RELN: variants seen among roughly 807,000 people sequenced by gnomAD.
RELN encodes the protein reelin.
Under a neutral mutation model 427.6 loss-of-function variants are expected in RELN, and 108 were observed. That is an observed-to-expected ratio of 0.25 (90% CI 0.22 to 0.30). RELN has a LOEUF of 0.30. Ranked by LOEUF, RELN falls within the 10% of genes least tolerant of loss-of-function variation. The probability of loss-of-function intolerance (pLI) is 1.00; values close to 1 mark genes in which losing one functional copy is unlikely to be tolerated. For synonymous variants in RELN, 1,524 were observed against 1,513.4 expected, an observed-to-expected ratio of 1.01 and a Z score of -0.16; for missense variants, 3,715 against 4,302.8, an observed-to-expected ratio of 0.86 and a Z score of 3.82.
intron 3 of RELN, among the ~76,000 whole-genome samples, chr7:103,812,960 G>A (rs975926196): frequency 6.6e-6 from 1 of 151,992 alleles, no homozygotes; most frequent in Non-Finnish European, 1.5e-5. Flanking sequence ...TTCTTTCCTA[G>A]TTATTTCCTG....
chr7:103,809,060 C>T (rs112688809), intron 3 of RELN, among the ~76,000 whole-genome samples: 1 of 152,214 alleles, frequency 6.6e-6, no homozygotes, highest in South Asian at 2.1e-4. Context: ...AGTTTCTTCC[C>T]TAGAAAGCGT....
At chr7:103,647,690 T>C (rs1156670719) in intron 16 of RELN, among the ~76,000 whole-genome samples, 5 of 151,702 alleles carry the variant, frequency 3.3e-5, no homozygotes, top group African/African-American at 1.2e-4. Context: ...TTTCACATAA[T>C]TAGAAAAAAA....
rs749699531 is a variant in RELN at position 103,864,277 on chromosome 7, GT to G, written c.338-30606del. ...TGGTATCTTGAAAAAGTTAATAACTGTTTTTTTTAATTGTAGTAAGAACACT... is the reference window on the plus strand; with the variant it reads ...TGGTATCTTGAAAAAGTTAATAACTGTTTTTTTAATTGTAGTAAGAACACT... On this transcript the variant is annotated intron_variant, in intron 2 of 64. Coordinates refer to ENST00000428762, the MANE Select transcript of RELN (RefSeq NM_005045.4). Among the ~76,000 whole-genome samples the G allele has an allele frequency of 8.6e-5, 13 of 152,024 alleles. No individual in the cohort carries two copies. In the Middle Eastern group the frequency reaches 0.017, roughly 200 times the overall value.
intron 2 of RELN, 89 bp from the exon 3 acceptor site, chr7:103,833,761 T>A: frequency 1.5e-6 from 2 of 1,350,070 alleles, no homozygotes; most frequent in Non-Finnish European, 2.1e-6. Flanking sequence ...ATATTTTTCT[T>A]TCATGTTAAG....
chr7:103,653,715 C>T (rs1832969460), intron 13 of RELN, among the ~76,000 whole-genome samples: 1 of 152,038 alleles, frequency 6.6e-6, no homozygotes, highest in African/African-American at 2.4e-5. Context: ...TGTGCTTCTA[C>T]AGTGTCTTCT....
At chr7:103,784,083 A>G (rs941700428) in intron 3 of RELN, among the ~76,000 whole-genome samples, 4 of 152,154 alleles carry the variant, frequency 2.6e-5, no homozygotes, top group African/African-American at 9.7e-5. Flanking sequence ...AGATTAAACC[A>G]CATTTTATTT....
At position 103,603,861 on chromosome 7, in the gene RELN, T is replaced by C. The variant is rs1481858848; in HGVS notation, c.3147-371A>G. ...AATGTCTGTCTGCTCAACCAACATA[T>C]AATTCAGGCAACATTTTATAGTTCC... On this transcript the variant is annotated intron_variant, in intron 23 of 64. Transcript: ENST00000428762. The surrounding 1 kb of genome is among the most constrained non-coding windows in gnomAD (Gnocchi z 4.3). 6.6e-6 allele frequency among the ~76,000 whole-genome samples: 1 copy of C among 152,148 alleles called. No individual in the cohort carries two copies. Among genetic ancestry groups the C allele is most frequent in the Non-Finnish European group, 1.5e-5 (1 of 68,032 alleles).
Position 103,884,383 on chromosome 7 carries a change from G to A in RELN, c.337+32692C>T, listed in dbSNP as rs576360144. ...GGACATAGGTATGGGCAAAGACTTC[G>A]TGTCTAAAACACCAAAAGCAATGGC... On this transcript the variant is annotated intron_variant, in intron 2 of 64. Coordinates refer to ENST00000428762, the MANE Select transcript of RELN (RefSeq NM_005045.4). Among the ~76,000 whole-genome samples, 10 of 152,146 alleles carry A rather than the reference G, an allele frequency of 6.6e-5. No homozygotes were observed. In the East Asian group the frequency reaches 9.6e-4, roughly 15 times the overall value.
At chr7:103,935,404 T>C (rs1432899860) in intron 1 of RELN, among the ~76,000 whole-genome samples, 1 of 152,146 alleles carries the variant, frequency 6.6e-6, no homozygotes, top group East Asian at 1.9e-4. Context: ...TCTCTTCCCT[T>C]AGCTTTTATG....
At chr7:103,713,079 T>A (rs7794541) in intron 8 of RELN, among the ~76,000 whole-genome samples, 22,913 of 151,886 alleles carry the variant, frequency 0.15, 1,971 homozygotes, top group East Asian at 0.3. Context: ...AAGGAGAGAA[T>A]TGATCTCACA....
intron 6 of RELN, 130 bp downstream of exon 6, chr7:103,749,296 G>T: frequency 2.6e-6 from 2 of 766,232 alleles, no homozygotes; most frequent in Non-Finnish European, 2.4e-6. Context: ...CAGTTCCATA[G>T]CTTAACAAGT....
intron 40 of RELN, among the ~76,000 whole-genome samples, chr7:103,552,367 T>TA (rs1451486380): frequency 6.6e-6 from 1 of 152,194 alleles, no homozygotes; most frequent in African/African-American, 2.4e-5. Flanking sequence ...TAGTTATAGT[T>TA]ATATACAATA....
At chr7:103,936,337 C>A (rs965140964) in intron 1 of RELN, among the ~76,000 whole-genome samples, 2 of 152,120 alleles carry the variant, frequency 1.3e-5, no homozygotes, top group Non-Finnish European at 2.9e-5. Context: ...AAGTGATCTG[C>A]CTGTCTCAGC....
chr7:103,741,990 G>A (rs1258400269), intron 6 of RELN, among the ~76,000 whole-genome samples: 3 of 152,106 alleles, frequency 2.0e-5, no homozygotes, highest in Non-Finnish European at 4.4e-5. Flanking sequence ...CCTCACCACC[G>A]AGGAGCCTAA....
At chr7:103,535,619 G>A in intron 45 of RELN, 135 bp from the exon 46 acceptor site, 1 of 747,062 alleles carries the variant, frequency 1.3e-6, no homozygotes, top group Non-Finnish European at 2.2e-6. Context: ...TATATTTCCT[G>A]CTTTGAAATG....
chr7:103,730,006 G>C (rs1790312943), intron 6 of RELN, among the ~76,000 whole-genome samples: 1 of 151,970 alleles, frequency 6.6e-6, no homozygotes, highest in Non-Finnish European at 1.5e-5. Flanking sequence ...TAAAAGTACA[G>C]TGAAGTAGCA....
intron 1 of RELN, among the ~76,000 whole-genome samples, chr7:103,944,035 T>C (rs1584389644): frequency 6.6e-6 from 1 of 151,762 alleles, no homozygotes; most frequent in Non-Finnish European, 1.5e-5. Context: ...ATGGCTATAG[T>C]AGGACTGGAG....
chr7:103,695,774 C>T (rs930113687), intron 10 of RELN, among the ~76,000 whole-genome samples: 1 of 152,064 alleles, frequency 6.6e-6, no homozygotes, highest in Admixed American at 6.6e-5. Context: ...AGCAGAAATT[C>T]CTCTTTTAAT....
At chr7:103,845,028 A>G (rs1793639824) in intron 2 of RELN, among the ~76,000 whole-genome samples, 1 of 152,200 alleles carries the variant, frequency 6.6e-6, no homozygotes, top group Admixed American at 6.5e-5. Flanking sequence ...GATTATTTTA[A>G]CTGTACATCC....
Sources: gnomAD v4.1 joint callset for allele counts (sites outside exome capture counted in the v4.1 genomes callset) on GRCh38, gnomAD v4.1.1 for gene constraint, Gnocchi (gnomAD v3.1) non-coding constraint, MANE v1.5 for transcripts, NCBI Gene and HGNC (gene_info 2026-07-23, HGNC 2026-07-21) for gene names.